Variants in NAV2 observed in about 807,000 individuals in gnomAD.
NAV2 encodes the protein helicase, APC down-regulated 1.
In NAV2, 54 loss-of-function variants were observed where a neutral mutation model predicts 223.2. The ratio of observed to expected loss-of-function variants is 0.24; its 90% CI spans 0.19 to 0.30. The LOEUF (loss-of-function observed/expected upper bound fraction) is 0.30, where lower values mean the gene tolerates loss of function less well. Ranked by LOEUF, NAV2 falls within the 10% of genes least tolerant of loss-of-function variation. The pLI is 1.00. For synonymous variants in NAV2, 1,279 were observed against 1,239.3 expected (o/e 1.03, Z -0.67); for missense variants, 2,806 against 3,147.5 (o/e 0.89, Z 2.60).
intron 1 of NAV2, among the ~76,000 whole-genome samples, chr11:19,829,202 T>G (rs757364193): frequency 2.6e-5 from 4 of 152,236 alleles, no homozygotes; most frequent in Admixed American, 2.0e-4. Context: ...CTTTAAACTG[T>G]AAACTTCATG....
rs970295924 is a variant in NAV2, at chr11:19,500,606, T to G, written c.75+149579T>G. On this transcript the variant is annotated intron_variant, in intron 1 of 37. Transcript: ENST00000360655. ...TAGTTGCTTAAATTACTTTTAAGCA[T>G]TATGAACTAGAAAATTCCAGCCATC... Among the ~76,000 whole-genome samples, 72 of 152,312 alleles carry G rather than the reference T, an allele frequency of 4.7e-4. 1 individual carries two copies. Among genetic ancestry groups the G allele is most frequent in the South Asian group, 1.5e-3 (7 of 4,824 alleles).
chr11:19,767,223 T>C (rs2055301981), intron 1 of NAV2, among the ~76,000 whole-genome samples: 1 of 152,208 alleles, frequency 6.6e-6, no homozygotes. Context: ...GAATTTTATG[T>C]CCTAGATCAT....
At chr11:20,031,058 A>C (rs539669228) in intron 11 of NAV2, among the ~76,000 whole-genome samples, 12 of 152,328 alleles carry the variant, frequency 7.9e-5, no homozygotes, top group Admixed American at 5.9e-4. Flanking sequence ...AGGTGGGCTC[A>C]GCGCCATCAT....
rs555564862 is a variant in NAV2 at position 19,836,196 on chromosome 11, T to C, written c.385+3595T>C. On this transcript the variant is annotated intron_variant, in intron 2 of 37. Transcript: ENST00000349880. ...ACTAAACATTCCTCTAAATTGTATGTCACACCTTTCTACTTTCTAGGGATC... is the reference window on the plus strand; with the variant it reads ...ACTAAACATTCCTCTAAATTGTATGCCACACCTTTCTACTTTCTAGGGATC... 2.8e-4 allele frequency among the ~76,000 whole-genome samples: 42 copies of C among 152,360 alleles called. 2 individuals are homozygous for C. The South Asian group carries it at 7.5e-3, about 27-fold the overall frequency.
At chr11:19,481,597 A>C (rs1488327278) in intron 1 of NAV2, among the ~76,000 whole-genome samples, 2 of 152,204 alleles carry the variant, frequency 1.3e-5, no homozygotes, top group East Asian at 3.9e-4. Flanking sequence ...GATAAATAGT[A>C]ATAGCTATGT....
At chr11:19,563,403 T>G (rs2045164488) in intron 1 of NAV2, among the ~76,000 whole-genome samples, 2 of 152,182 alleles carry the variant, frequency 1.3e-5, no homozygotes, top group South Asian at 4.1e-4. Context: ...AGAGTGGAAT[T>G]TAGTCATGGT....
intron 1 of NAV2, among the ~76,000 whole-genome samples, chr11:19,620,410 T>A (rs1487554531): frequency 6.6e-6 from 1 of 152,224 alleles, no homozygotes; most frequent in Non-Finnish European, 1.5e-5. Flanking sequence ...TGTTCTTCCA[T>A]TTGTTTGTGT....
intron 1 of NAV2, among the ~76,000 whole-genome samples, chr11:19,771,493 T>C (rs1236612542): frequency 2.6e-5 from 4 of 151,970 alleles, no homozygotes; most frequent in African/African-American, 4.8e-5. Flanking sequence ...GGTGTGACCA[T>C]ACATGACCTA....
At chr11:19,979,384 C>T (rs1437483229) in intron 10 of NAV2, among the ~76,000 whole-genome samples, 1 of 152,180 alleles carries the variant, frequency 6.6e-6, no homozygotes, top group Non-Finnish European at 1.5e-5. Context: ...CCCCAGGTCC[C>T]ATGCAGCCCA....
intron 1 of NAV2, among the ~76,000 whole-genome samples, chr11:19,498,410 C>T (rs1029021346): frequency 1.3e-5 from 2 of 152,216 alleles, no homozygotes; most frequent in Admixed American, 1.3e-4. Context: ...CTCTCTGAGC[C>T]TCAGTATGCT....
chr11:19,845,694 C>A (rs1565417620), intron 3 of NAV2, among the ~76,000 whole-genome samples: 1 of 152,200 alleles, frequency 6.6e-6, no homozygotes. Flanking sequence ...CTTCACTCTT[C>A]CTAACCCACT....
chr11:19,977,248 A>G (rs545262285), intron 10 of NAV2, among the ~76,000 whole-genome samples: 5 of 152,304 alleles, frequency 3.3e-5, no homozygotes, highest in African/African-American at 1.2e-4. Context: ...CTTCCACCTC[A>G]CATCCTCTTG....
chr11:20,100,405 G>C (rs1025645382), intron 31 of NAV2, among the ~76,000 whole-genome samples: 4 of 152,138 alleles, frequency 2.6e-5, no homozygotes, highest in African/African-American at 9.7e-5. Flanking sequence ...AAGTGGTGTT[G>C]CCTTCATGGC....
intron 1 of NAV2, among the ~76,000 whole-genome samples, chr11:19,567,426 A>T (rs891419333): frequency 6.6e-6 from 1 of 152,166 alleles, no homozygotes; most frequent in Non-Finnish European, 1.5e-5. Flanking sequence ...CATCTTGCAG[A>T]TTTATTTCTG....
chr11:19,543,802 C>G (rs1281572033), intron 1 of NAV2, among the ~76,000 whole-genome samples: 1 of 152,184 alleles, frequency 6.6e-6, no homozygotes, highest in Non-Finnish European at 1.5e-5. Context: ...GCTGACCTCT[C>G]AACTGCATCA....
At chr11:19,541,658 C>T (rs777190485) in intron 1 of NAV2, among the ~76,000 whole-genome samples, 7 of 152,180 alleles carry the variant, frequency 4.6e-5, no homozygotes, top group Non-Finnish European at 8.8e-5. Context: ...GACAGGGCCT[C>T]GGGCATCAGG....
intron 36 of NAV2, among the ~76,000 whole-genome samples, chr11:20,108,361 A>G (rs368900277): frequency 6.6e-6 from 1 of 152,204 alleles, no homozygotes. Flanking sequence ...TTTCCCTGAC[A>G]TCAGCACCCC....
chr11:19,821,345 C>T (rs1335065609), intron 1 of NAV2, among the ~76,000 whole-genome samples: 1 of 151,948 alleles, frequency 6.6e-6, no homozygotes, highest in Non-Finnish European at 1.5e-5. Flanking sequence ...GGCACCTACA[C>T]CCTCATCCTT....
intron 1 of NAV2, among the ~76,000 whole-genome samples, chr11:19,592,111 G>A (rs1565081609): frequency 6.6e-6 from 1 of 152,054 alleles, no homozygotes; most frequent in Non-Finnish European, 1.5e-5. Flanking sequence ...CCACATAGAG[G>A]CACCCATATT....
Sources: allele counts gnomAD v4.1 joint callset (sites outside exome capture counted in the v4.1 genomes callset), GRCh38; gene constraint gnomAD v4.1.1; transcripts MANE v1.5; gene names NCBI Gene and HGNC (gene_info 2026-07-23, HGNC 2026-07-21).